Variants in PDZD2 observed in about 807,000 individuals in gnomAD.
PDZD2 encodes the protein PDZ domain-containing protein 2.
PDZD2 carries 90 observed loss-of-function variants against 220.7 expected under a neutral mutation model. That is an observed-to-expected ratio of 0.41 (90% CI 0.34 to 0.49). The LOEUF (loss-of-function observed/expected upper bound fraction) is 0.49. Among genes scored for constraint, PDZD2 ranks in the 20% least tolerant of loss-of-function variants. PDZD2 has a pLI of 0.28. For missense variants in PDZD2, 3,174 were observed against 3,608.5 expected (o/e 0.88, Z 3.08); for synonymous variants, 1,375 against 1,450.5 (o/e 0.95, Z 1.18).
At chr5:31,789,774 C>T (rs1296639152) in intron 1 of PDZD2, among the ~76,000 whole-genome samples, 3 of 151,976 alleles carry the variant, frequency 2.0e-5, no homozygotes, top group South Asian at 2.1e-4. Context: ...CAAAACTAGC[C>T]GGGTGTGGTG....
At chr5:31,851,853 G>C (rs1758071834) in intron 2 of PDZD2, among the ~76,000 whole-genome samples, 1 of 151,196 alleles carries the variant, frequency 6.6e-6, no homozygotes, top group Admixed American at 6.6e-5. Flanking sequence ...GGCAGATGTG[G>C]TCACATTTTT....
chr5:31,854,125 C>T (rs965492876), intron 2 of PDZD2, among the ~76,000 whole-genome samples: 2 of 152,202 alleles, frequency 1.3e-5, no homozygotes, highest in Admixed American at 6.5e-5. Context: ...CCGCTGCCAG[C>T]CCCCCTCCCC....
rs761750603 is a variant in PDZD2 at position 31,650,839 on chromosome 5, C to T, written c.-361+11402C>T. On this transcript the variant is annotated intron_variant, in intron 1 of 24. Transcript: ENST00000438447. The stretch of plus-strand genomic sequence containing the variant: ...TATGTAGTTTGGTCTTTTCGGCCTC[C>T]GCGTTTCTTCCTAGCTGATAAGAGC... 9.2e-4 allele frequency among the ~76,000 whole-genome samples: 140 copies of T among 152,132 alleles called. 1 individual carries two copies. The highest frequency in any genetic ancestry group is 1.9e-4 in the East Asian group (1 of 5,192).
At chr5:31,784,310 G>A (rs539100911) in intron 1 of PDZD2, among the ~76,000 whole-genome samples, 3 of 152,136 alleles carry the variant, frequency 2.0e-5, no homozygotes, top group East Asian at 1.9e-4. Context: ...TCGCAGCCCC[G>A]AACTTAGACA....
At chr5:31,925,043 C>T (rs953361081) in intron 2 of PDZD2, among the ~76,000 whole-genome samples, 2 of 152,202 alleles carry the variant, frequency 1.3e-5, no homozygotes, top group East Asian at 1.9e-4. Context: ...ATTGATTGGA[C>T]TGACAAGCCA....
intron 7 of PDZD2, among the ~76,000 whole-genome samples, chr5:32,044,239 G>A (rs1737712145): frequency 1.3e-5 from 2 of 152,150 alleles, no homozygotes; most frequent in South Asian, 4.1e-4. Context: ...TGAGACAGGA[G>A]AATCGCTTGA....
intron 2 of PDZD2, among the ~76,000 whole-genome samples, chr5:31,944,251 G>A (rs1746449296): frequency 6.6e-6 from 1 of 152,154 alleles, no homozygotes; most frequent in African/African-American, 2.4e-5. Context: ...GGAAGAAAAG[G>A]AACCCTGTCT....
Position 31,799,658 on chromosome 5 carries a change from G to C in PDZD2, c.410G>C (p.Arg137Pro), listed in dbSNP as rs750027439. Residue 137 changes from arginine to proline, a missense_variant, in exon 2 of 25, where the codon CGA (arginine) becomes CCA (proline). Arg to Pro is a moderately radical substitution (Grantham distance 103). Around this residue, in one of 4 missense-constraint regions of PDZD2, gnomAD observed 632 missense variants for 708.1 expected, o/e 0.89. Transcript: ENST00000438447. ...NSPAGKSGKV[R>P]LRDEILSLNG... is the part of the protein sequence containing the mutation. Reference sequence around the variant, plus strand: ...CCAGCAGGGAAGAGTGGGAAGGTCCGACTGCGGGATGAGATCCTCTCACTG... The same window carrying C: ...CCAGCAGGGAAGAGTGGGAAGGTCCCACTGCGGGATGAGATCCTCTCACTG... The C allele has an allele frequency of 6.2e-7, 1 of 1,614,116 alleles. No individual in the cohort carries two copies. Among genetic ancestry groups the C allele is most frequent in the Non-Finnish European group, 8.5e-7 (1 of 1,180,000 alleles).
chr5:31,645,352 T>TTTC (rs1554059041), intron 1 of PDZD2, among the ~76,000 whole-genome samples: 29 of 135,786 alleles, frequency 2.1e-4, no homozygotes, highest in Admixed American at 8.7e-4. Context: ...TTTTTTTTTT[T>TTTC]TTGAGACGGA....
At chr5:31,817,697 T>G (rs911255466) in intron 2 of PDZD2, among the ~76,000 whole-genome samples, 1 of 152,138 alleles carries the variant, frequency 6.6e-6, no homozygotes, top group Non-Finnish European at 1.5e-5. Context: ...AGAGTCTCAC[T>G]GTCTCACCCA....
chr5:31,997,093 T>G (rs1751696942), intron 4 of PDZD2, among the ~76,000 whole-genome samples: 1 of 152,160 alleles, frequency 6.6e-6, no homozygotes, highest in African/African-American at 2.4e-5. Flanking sequence ...CTGGGGCGTG[T>G]ACGTATGTTG....
intron 2 of PDZD2, among the ~76,000 whole-genome samples, chr5:31,905,385 A>C (rs1023737866): frequency 5.9e-5 from 9 of 152,196 alleles, no homozygotes; most frequent in Non-Finnish European, 8.8e-5. Context: ...TTTAAGCTGA[A>C]GTGGTTTGAT....
intron 2 of PDZD2, among the ~76,000 whole-genome samples, chr5:31,949,381 G>GA (rs1318699820): frequency 2.6e-5 from 4 of 152,130 alleles, no homozygotes; most frequent in African/African-American, 7.2e-5. Context: ...ATATGCAACA[G>GA]AAAACAATTC....
Position 32,076,312 on chromosome 5 carries a change from A to C in PDZD2, c.3538-1150A>C, listed in dbSNP as rs556011054. The stretch of plus-strand genomic sequence containing the variant: ...AGAAAAAAAAAAAAAAAAAAAAACA[A>C]ATCACAAGTTTTGGATAACTGTATA... On this transcript the variant is annotated intron_variant, in intron 18 of 24. Coordinates refer to ENST00000438447, the MANE Select transcript of PDZD2 (RefSeq NM_178140.4). 1.5e-4 allele frequency among the ~76,000 whole-genome samples: 23 copies of C among 151,276 alleles called. No individual in the cohort carries two copies. The Middle Eastern group carries it at 0.01, about 68-fold the overall frequency.
intron 1 of PDZD2, among the ~76,000 whole-genome samples, chr5:31,734,252 C>T (rs1749707919): frequency 6.6e-6 from 1 of 151,972 alleles, no homozygotes; most frequent in African/African-American, 2.4e-5. Context: ...GTTCCACTCT[C>T]CTAAAAAAAC....
At chr5:31,933,965 C>T (rs906371316) in intron 2 of PDZD2, among the ~76,000 whole-genome samples, 1 of 152,138 alleles carries the variant, frequency 6.6e-6, no homozygotes, top group African/African-American at 2.4e-5. Flanking sequence ...TGCTACGTGG[C>T]TCGTTTTGTG....
At chr5:31,833,764 G>A (rs146604013) in intron 2 of PDZD2, among the ~76,000 whole-genome samples, 116 of 152,318 alleles carry the variant, frequency 7.6e-4, no homozygotes, top group Non-Finnish European at 1.1e-3. Flanking sequence ...GCTTTCTACC[G>A]TTTATCCTGA....
At chr5:31,652,680 C>T (rs1038587201) in intron 1 of PDZD2, among the ~76,000 whole-genome samples, 11 of 152,138 alleles carry the variant, frequency 7.2e-5, no homozygotes, top group South Asian at 2.1e-4. Context: ...GGCTGTCTTC[C>T]GGACCAGAGG....
rs2112448863 is a variant in PDZD2, at chr5:32,084,142, G to A, written c.3683-2989G>A. On this transcript the variant is annotated intron_variant, in intron 19 of 24. Coordinates refer to ENST00000438447, the MANE Select transcript of PDZD2 (RefSeq NM_178140.4). ...TGAGCAGAGAAGGAGAAGAGCACGT[G>A]GCTTTGAGTCTTGGCAGGCCCCTGG... is the stretch of plus-strand genomic sequence containing the variant. 1.3e-5 allele frequency among the ~76,000 whole-genome samples: 2 copies of A among 152,356 alleles called. 1 individual carries two copies. The highest frequency in any genetic ancestry group is 4.8e-5 in the African/African-American group (2 of 41,578).
Sources: gnomAD v4.1 joint callset for allele counts (sites outside exome capture counted in the v4.1 genomes callset) on GRCh38, gnomAD v4.1.1 for gene constraint, gnomAD v4.1.1 regional missense constraint, MANE v1.5 for transcripts, NCBI Gene and HGNC (gene_info 2026-07-23, HGNC 2026-07-21) for gene names.